Variants in PROSER3 observed in about 807,000 individuals in gnomAD.
The protein encoded by PROSER3 is proline and serine-rich protein 3.
Under a neutral mutation model 50.2 loss-of-function variants are expected in PROSER3, and 33 were observed. The ratio of observed to expected loss-of-function variants is 0.66; its 90% confidence interval spans 0.50 to 0.88. The LOEUF (loss-of-function observed/expected upper bound fraction) is 0.88. PROSER3 is among the 40% of genes least tolerant of loss of function. The pLI is 0.00. For missense variants in PROSER3, 623 were observed against 612.7 expected, an observed-to-expected ratio of 1.02 and a Z score of -0.18; for synonymous variants, 266 against 259.3, an observed-to-expected ratio of 1.03 and a Z score of -0.25.
In PROSER3 at chr19:35,758,426, A is replaced by C. The variant is rs569704049; in HGVS notation, c.11+200A>C. The C allele has an allele frequency of 3.2e-3, 1,800 of 557,392 alleles. 6 individuals are homozygous for C. Among genetic ancestry groups the C allele is most frequent in the Non-Finnish European group, 3.6e-3 (1,205 of 338,200 alleles). The allele number at this position is 557,392 out of a possible 1,614,324, so 34.5% of individuals were successfully genotyped here. A position where few individuals can be genotyped will look rare whatever the true frequency, so the allele number is the denominator to read the frequency against. ...ATCCCGGGGGTCCCCTAAGAGTCTT[A>C]TGTTCCTCTCTGAGTGGGCCCCAAG... On this transcript the variant is annotated intron_variant, in intron 1 of 10. Coordinates refer to ENST00000396908, the Ensembl canonical transcript of PROSER3.
Position 35,765,192 on chromosome 19 carries a change from C to T in PROSER3, c.769+16C>T. 10 of 1,610,918 alleles carry T rather than the reference C, an allele frequency of 6.2e-6. No homozygotes were observed. The highest frequency in any genetic ancestry group is 8.5e-6 in the Non-Finnish European group (10 of 1,179,224). ...AGGGCACCCGGTAAGGGCTGAGAGG[C>T]AAAGACTGAGGGCAGCCTGGGTGCA... On this transcript the variant is annotated intron_variant, in intron 7 of 10. Transcript: ENST00000396908.
Position 35,758,312 on chromosome 19 carries a change from G to A in PROSER3, c.11+86G>A, listed in dbSNP as rs536008462. 44 of 1,462,922 alleles carry A rather than the reference G, an allele frequency of 3.0e-5. No homozygotes were observed. The African/African-American group carries it at 5.9e-4, about 20-fold the overall frequency. 90.6% of individuals were successfully genotyped at this position (1,462,922 alleles called of 1,614,324 possible). A position where few individuals can be genotyped will look rare whatever the true frequency, so the allele number is the denominator to read the frequency against. On this transcript the variant is annotated intron_variant, in intron 1 of 10. Coordinates refer to ENST00000396908, the Ensembl canonical transcript of PROSER3. ...GCACAGCCTAGGACGGGCTGGATAC[G>A]GTCTGGAGTCGCTAGGGCTCCACCG...
rs564340810 is a variant in PROSER3, at chr19:35,766,681, A to G, written c.770-87A>G. On this transcript the variant is annotated intron_variant, in intron 7 of 10. Coordinates refer to ENST00000396908, the Ensembl canonical transcript of PROSER3. ...AGCCTGTCTGAGTAACCCCCTGCACAGTTGGAGGGCGTGTGTGCAGGCTGT... is the reference window on the plus strand; with the variant it reads ...AGCCTGTCTGAGTAACCCCCTGCACGGTTGGAGGGCGTGTGTGCAGGCTGT... 312 of 910,342 alleles carry G rather than the reference A, an allele frequency of 3.4e-4. 1 individual carries two copies. Among genetic ancestry groups the G allele is most frequent in the Admixed American group, 6.1e-4 (25 of 40,976 alleles). The allele number at this position is 910,342 out of a possible 1,614,324, so 56.4% of individuals were successfully genotyped here.
At chr19:35,768,700 G>A in exon 11 of PROSER3, 2 of 820,192 alleles carry the variant, frequency 2.4e-6, no homozygotes, top group Non-Finnish European at 3.5e-6. Flanking sequence ...GCTCTGCCCT[G>A]CCCCCCACCC....
chr19:35,766,927 C>T lies in PROSER3; in HGVS notation c.929C>T (p.Pro310Leu), dbSNP rs748701598. The T allele has an allele frequency of 1.6e-5, 25 of 1,554,486 alleles. No homozygotes were observed. The Admixed American group carries it at 1.9e-4, about 12-fold the overall frequency. The change falls in exon 8 of 11, where the codon CCG becomes CTG. Residue 310 changes from proline (P) to leucine (L), a missense_variant. Physicochemically the swap from Pro to Leu is moderately conservative, Grantham distance 98. Transcript: ENST00000396908. The stretch of plus-strand genomic sequence containing the variant: ...AGCAAGGGTGACAGAGCTTGGGTGC[C>T]GCCTCTGACCCCTGCCCTCCGCACG...
intron 8 of PROSER3, chr19:35,767,495 G>A (rs1971192748): frequency 2.5e-6 from 1 of 406,734 alleles, no homozygotes; most frequent in South Asian, 3.5e-5. Context: ...TGTCCCCCAG[G>A]GCCTGCCCAT....
exon 9 of PROSER3, chr19:35,767,965 G>A (rs765605607): frequency 2.5e-6 from 4 of 1,608,312 alleles, no homozygotes; most frequent in Non-Finnish European, 3.4e-6. Flanking sequence ...CCTTCCAGGT[G>A]GGGTCTCCGG....
At chr19:35,761,499 C>T (rs758787070) in intron 3 of PROSER3, among the ~76,000 whole-genome samples, 26 of 152,186 alleles carry the variant, frequency 1.7e-4, no homozygotes, top group Middle Eastern at 3.4e-3. Flanking sequence ...TGGTGAAACT[C>T]CGTCTCTACC....
intron 5 of PROSER3, 190 bp downstream of exon 5, chr19:35,762,546 T>TA (rs3043403): frequency 0.11 from 26,631 of 247,906 alleles, 1,574 homozygotes; most frequent in African/African-American, 0.27. Flanking sequence ...CTGCCTCTAC[T>TA]AAAAAAAAAA....
At chr19:35,758,881 C>G (rs1384335182) in intron 1 of PROSER3, 2 of 154,280 alleles carry the variant, frequency 1.3e-5, no homozygotes, top group Non-Finnish European at 2.9e-5. Context: ...GTTAGTAAGG[C>G]TGGTCTCGAA....
chr19:35,759,619 C>T lies in PROSER3; in HGVS notation c.108+149C>T. 3 of 982,544 alleles carry T rather than the reference C, an allele frequency of 3.1e-6. No individual in the cohort carries two copies. In the South Asian group the frequency reaches 4.8e-5, roughly 16 times the overall value. The allele number at this position is 982,544 out of a possible 1,614,324, so 60.9% of individuals were successfully genotyped here. On this transcript the variant is annotated intron_variant, in intron 2 of 10. Coordinates refer to ENST00000396908, the Ensembl canonical transcript of PROSER3. Reference sequence around the variant, plus strand: ...TCCCCACGGCCCTGCCCTTGTCCCCCTCTCTACCACCTGGATTCCCCATCT... The same window carrying T: ...TCCCCACGGCCCTGCCCTTGTCCCCTTCTCTACCACCTGGATTCCCCATCT...
chr19:35,767,472 T>A, intron 8 of PROSER3: 1 of 215,766 alleles, frequency 4.6e-6, no homozygotes. Context: ...GCCTCCACCC[T>A]CGCATCCCCA....
At chr19:35,766,899 G>C in exon 8 of PROSER3, 1 of 1,553,470 alleles carries the variant, frequency 6.4e-7, no homozygotes, top group Non-Finnish European at 8.7e-7. Context: ...ACAGGCTCAG[G>C]GAAGCAAGGG....
chr19:35,762,477 G>T (rs1970987488), intron 5 of PROSER3, 121 bp downstream of exon 5: 1 of 927,730 alleles, frequency 1.1e-6, no homozygotes, highest in South Asian at 1.7e-5. Context: ...GGGAGGCCAA[G>T]GTGAGAGGAC....
chr19:35,768,597 A>G, exon 11 of PROSER3: 1 of 1,433,288 alleles, frequency 7.0e-7, no homozygotes, highest in African/African-American at 1.5e-5. Context: ...TTTTTCATAC[A>G]GTTACTGGTT....
intron 5 of PROSER3, among the ~76,000 whole-genome samples, chr19:35,764,149 G>T (rs938620966): frequency 2.6e-5 from 4 of 152,056 alleles, no homozygotes; most frequent in African/African-American, 9.7e-5. Context: ...TAGCCAGGAT[G>T]GTCCTTGGGG....
In PROSER3 at chr19:35,766,761, C is replaced by G. The variant is rs971051282; in HGVS notation, c.770-7C>G. ...CCTCACCCTCTCCTCTCTACCTCCC[C>G]CTACAGCATCCCCGGCACCAGCCCA... On this transcript the variant is annotated splice_region_variant and splice_polypyrimidine_tract_variant and intron_variant, in intron 7 of 10. Coordinates refer to ENST00000396908, the Ensembl canonical transcript of PROSER3. 7.1e-6 allele frequency: 11 copies of G among 1,544,122 alleles called. No individual in the cohort carries two copies. Among genetic ancestry groups the G allele is most frequent in the Admixed American group, 2.0e-5 (1 of 50,832 alleles).
chr19:35,766,807 C>G, exon 8 of PROSER3: 1 of 1,551,344 alleles, frequency 6.4e-7, no homozygotes, highest in South Asian at 1.2e-5. Context: ...CCCACCCCTG[C>G]TCCAGCCCCA....
chr19:35,759,301 C>G, intron 1 of PROSER3, 73 bp from the exon 2 acceptor site: 1 of 1,171,880 alleles, frequency 8.5e-7, no homozygotes, highest in South Asian at 1.3e-5. Flanking sequence ...CTGGTTCTGC[C>G]CTCCTCTAAT....
Sources: allele counts gnomAD v4.1 joint callset (sites outside exome capture counted in the v4.1 genomes callset), GRCh38; gene constraint gnomAD v4.1.1; transcripts MANE v1.5; gene names NCBI Gene and HGNC (gene_info 2026-07-23, HGNC 2026-07-21).